SPIRE2: variants seen among roughly 807,000 people sequenced by gnomAD.
SPIRE2 encodes protein spire homolog 2.
SPIRE2 carries 76 observed loss-of-function variants against 80.7 expected under a neutral mutation model. That is an observed-to-expected ratio of 0.94 (90% CI 0.78 to 1.14). SPIRE2 has a LOEUF of 1.14. Among genes scored for constraint, SPIRE2 ranks in the 50% most tolerant of loss-of-function variants. The pLI is 0.00. For synonymous variants in SPIRE2, 535 were observed against 432.6 expected (o/e 1.24, Z -2.94); for missense variants, 1,196 against 1,015.3 (o/e 1.18, Z -2.42).
chr16:89,830,888 A>G (rs1254328014), intron 1 of SPIRE2, among the ~76,000 whole-genome samples: 1 of 149,176 alleles, frequency 6.7e-6, no homozygotes, highest in Non-Finnish European at 1.5e-5. Context: ...TACTCTGAAG[A>G]CTTTGTAACT....
intron 1 of SPIRE2, among the ~76,000 whole-genome samples, chr16:89,832,760 C>T (rs532868273): frequency 2.6e-5 from 4 of 152,250 alleles, no homozygotes; most frequent in South Asian, 2.1e-4. Context: ...TTTGCAGAGC[C>T]GGGCTGAGCA....
chr16:89,866,963 C>G (rs2041795125), intron 12 of SPIRE2, among the ~76,000 whole-genome samples: 1 of 152,058 alleles, frequency 6.6e-6, no homozygotes, highest in South Asian at 2.1e-4. Flanking sequence ...GGAATTAAAA[C>G]AAAATTGAAT....
chr16:89,845,636 G>A (rs1275371491), intron 2 of SPIRE2: 2 of 701,734 alleles, frequency 2.9e-6, no homozygotes, highest in South Asian at 1.5e-5. Flanking sequence ...CTGCACAGAT[G>A]AGGGGCACAG....
chr16:89,863,742 G>A lies in SPIRE2; in HGVS notation c.1711-52G>A, dbSNP rs932020263. 2 of 1,608,310 alleles carry A rather than the reference G, an allele frequency of 1.2e-6. No individual in the cohort carries two copies. Among genetic ancestry groups the A allele is most frequent in the East Asian group, 2.2e-5 (1 of 44,852 alleles). On this transcript the variant is annotated intron_variant, in intron 11 of 14. Coordinates refer to ENST00000378247, the MANE Select transcript of SPIRE2 (RefSeq NM_032451.2). The surrounding 1 kb of genome is among the most constrained non-coding windows in gnomAD (Gnocchi z 4.3). ...TGAGGGGGTAGCAGGGACAGGGCGG[G>A]ACCCCAGGGAGCTTTGGACAAAGCG...
intron 2 of SPIRE2, 112 bp downstream of exon 2, chr16:89,845,477 G>T (rs2041549862): frequency 9.9e-7 from 1 of 1,012,570 alleles, no homozygotes; most frequent in African/African-American, 1.6e-5. Context: ...GGGAGGCAGG[G>T]TGCAGATGAA....
chr16:89,869,030 T>TAA, intron 13 of SPIRE2, among the ~76,000 whole-genome samples: 1 of 16,484 alleles, frequency 6.1e-5, no homozygotes, highest in South Asian at 2.6e-3. Context: ...GATCTGTGTC[T>TAA]TAAAAAAAAA....
At chr16:89,849,659 C>T (rs568967462) in intron 2 of SPIRE2, among the ~76,000 whole-genome samples, 3 of 152,088 alleles carry the variant, frequency 2.0e-5, no homozygotes, top group East Asian at 1.9e-4. Flanking sequence ...GCCTGGAAGT[C>T]GGTGCAGACG....
chr16:89,829,065 C>T (rs546888331), intron 1 of SPIRE2, among the ~76,000 whole-genome samples: 53 of 152,252 alleles, frequency 3.5e-4, no homozygotes, highest in Non-Finnish European at 5.7e-4. Context: ...CAGCGCGGAG[C>T]GGGCTGCTCC....
chr16:89,842,208 A>ATTTTTTTTTTTTTTTTTTTTTTTT lies in SPIRE2; in HGVS notation c.245-3092_245-3091insTTTTTTTTTTTTTTTTTTTTTTTT, dbSNP rs71137682. On this transcript the variant is annotated intron_variant, in intron 1 of 14. Coordinates refer to ENST00000378247, the MANE Select transcript of SPIRE2 (RefSeq NM_032451.2). ...ATACAATTAGATTCATGAACACGTA[A>ATTTTTTTTTTTTTTTTTTTTTTTT]TTTTTTTTTTTTTTTTTTTTTTGTG... 9.8e-5 allele frequency among the ~76,000 whole-genome samples: 8 copies of ATTTTTTTTTTTTTTTTTTTTTTTT among 81,310 alleles called. 2 individuals carry two copies. The highest frequency in any genetic ancestry group is 3.4e-4 in the Admixed American group (2 of 5,898). The allele number at this position is 81,310 out of a possible 152,430, so 53.3% of individuals were successfully genotyped here.
chr16:89,865,199 G>C (rs962308548), intron 12 of SPIRE2, among the ~76,000 whole-genome samples: 1 of 151,860 alleles, frequency 6.6e-6, no homozygotes, highest in Admixed American at 6.6e-5. Flanking sequence ...GTAGAGATGG[G>C]GTTTCACCAT....
Position 89,828,760 on chromosome 16 carries a change from C to G in SPIRE2, c.210C>G (p.Asp70Glu). The G allele has an allele frequency of 2.5e-6, 3 of 1,194,028 alleles. No individual in the cohort carries two copies. The highest frequency in any genetic ancestry group is 3.1e-6 in the Non-Finnish European group (3 of 963,882). The allele number at this position is 1,194,028 out of a possible 1,614,324, so 74.0% of individuals were successfully genotyped here. The change falls in exon 1 of 15, where the codon GAC (aspartate) becomes GAG (glutamate). Residue 70 changes from aspartate to glutamate, a missense_variant. Asp to Glu is a conservative substitution (Grantham distance 45). Coordinates refer to ENST00000378247, the MANE Select transcript of SPIRE2 (RefSeq NM_032451.2). This position sits in a 1 kb window ranked among gnomAD's most constrained non-coding sequence, Gnocchi z 5.9. ...RDTGDLLLRGDGSVGAREPEA... is the reference protein window; with the variant it reads ...RDTGDLLLRGEGSVGAREPEA... Reference sequence around the variant, plus strand: ...CCGGGGACCTCCTGCTGCGCGGGGACGGCTCGGTCGGGGCGCGGGAGCCCG... The same window carrying G: ...CCGGGGACCTCCTGCTGCGCGGGGAGGGCTCGGTCGGGGCGCGGGAGCCCG...
chr16:89,841,698 A>G (rs2041507401), intron 1 of SPIRE2, among the ~76,000 whole-genome samples: 1 of 151,592 alleles, frequency 6.6e-6, no homozygotes, highest in South Asian at 2.1e-4. Context: ...GCCACGGTAA[A>G]TAATTTTTTT....
intron 1 of SPIRE2, among the ~76,000 whole-genome samples, chr16:89,831,421 A>G (rs1418434382): frequency 7.5e-6 from 1 of 134,186 alleles, no homozygotes; most frequent in East Asian, 2.1e-4. Flanking sequence ...TTTTTATGAG[A>G]CAGTCTCGCT....
intron 3 of SPIRE2, 36 bp from the exon 4 acceptor site, chr16:89,854,250 T>C: frequency 6.2e-7 from 1 of 1,600,156 alleles, no homozygotes; most frequent in East Asian, 2.3e-5. Context: ...GCCATTCTCG[T>C]ACCTCCCCTG....
intron 1 of SPIRE2, among the ~76,000 whole-genome samples, chr16:89,838,843 T>C (rs2041476169): frequency 6.6e-6 from 1 of 151,954 alleles, no homozygotes; most frequent in African/African-American, 2.4e-5. Flanking sequence ...GTGTGGGTCT[T>C]GGGTTTTCTC....
At chr16:89,832,313 G>A (rs2041393553) in intron 1 of SPIRE2, among the ~76,000 whole-genome samples, 1 of 152,240 alleles carries the variant, frequency 6.6e-6, no homozygotes, top group Non-Finnish European at 1.5e-5. Context: ...CCTCCTCAGT[G>A]GCCAGGACTG....
intron 2 of SPIRE2, 91 bp from the exon 3 acceptor site, chr16:89,850,213 C>CCG (rs989693721): frequency 1.9e-6 from 2 of 1,042,396 alleles, no homozygotes; most frequent in Non-Finnish European, 2.9e-6. Flanking sequence ...GTCTCCCTGG[C>CCG]CGGGTGCTGG....
rs1271483711 is a variant in SPIRE2 at position 89,850,492 on chromosome 16, G to C, written c.477G>C (p.Glu159Asp). The change falls in exon 3 of 15, where the codon GAG (glutamate) becomes GAC (aspartate). Residue 159 changes from glutamate (E) to aspartate (D), a missense_variant. By Grantham distance (45) the Glu-to-Asp change is conservative (BLOSUM62 2). Transcript: ENST00000378247. ...YGGPEEEEEA[E>D]GVPRSVRTFA... ...GTCCCGAGGAGGAGGAGGAGGCCGAGGGCGTCCCCCGCAGCGTGCGCACCT... is the reference window on the plus strand; with the variant it reads ...GTCCCGAGGAGGAGGAGGAGGCCGACGGCGTCCCCCGCAGCGTGCGCACCT... The C allele has an allele frequency of 6.5e-7, 1 of 1,532,298 alleles. No homozygotes were observed. Among genetic ancestry groups the C allele is most frequent in the East Asian group, 2.4e-5 (1 of 42,360 alleles). The allele number at this position is 1,532,298 out of a possible 1,614,324, so 94.9% of individuals were successfully genotyped here.
At chr16:89,851,447 T>C (rs2041626893) in intron 3 of SPIRE2, among the ~76,000 whole-genome samples, 1 of 152,174 alleles carries the variant, frequency 6.6e-6, no homozygotes. Context: ...AGCCTCATTC[T>C]CCTGCCCCTT....
Sources: allele counts gnomAD v4.1 joint callset (sites outside exome capture counted in the v4.1 genomes callset), GRCh38; gene constraint gnomAD v4.1.1; non-coding constraint Gnocchi (gnomAD v3.1); transcripts MANE v1.5; gene names NCBI Gene and HGNC (gene_info 2026-07-23, HGNC 2026-07-21).